The following TCP1 variants were observed in gnomAD, a reference collection of about 807,000 sequenced individuals.
TCP1 encodes t-complex 1, also known as T-complex protein 1 subunit alpha.
In TCP1, 6 loss-of-function variants were observed where a neutral mutation model predicts 54.7. The observed-to-expected ratio is 0.11, with a 90% CI of 0.06 to 0.22. TCP1 has a LOEUF of 0.22. Among genes scored for constraint, TCP1 ranks in the 10% least tolerant of loss-of-function variants. TCP1 has a pLI of 1.00. For synonymous variants in TCP1, 225 were observed against 229.7 expected, an observed-to-expected ratio of 0.98 and a Z score of 0.19; for missense variants, 511 against 678.2, an observed-to-expected ratio of 0.75 and a Z score of 2.74.
At chr6:159,781,608 T>A (rs1352432327) in intron 7 of TCP1, among the ~76,000 whole-genome samples, 1 of 152,012 alleles carries the variant, frequency 6.6e-6, no homozygotes, top group African/African-American at 2.4e-5. Context: ...CCGCCTCTAC[T>A]AAAAATACAA....
At chr6:159,781,351 G>A (rs936441411) in intron 7 of TCP1, among the ~76,000 whole-genome samples, 8 of 152,168 alleles carry the variant, frequency 5.3e-5, no homozygotes, top group African/African-American at 1.9e-4. Context: ...GGGAACACAG[G>A]TCCTGCCTTC....
chr6:159,785,563 G>A (rs771524983), intron 4 of TCP1, 67 bp from the exon 5 acceptor site: 2 of 1,238,510 alleles, frequency 1.6e-6, no homozygotes, highest in Non-Finnish European at 2.4e-6. Flanking sequence ...CATTCATCAT[G>A]CTTAACACAG....
At chr6:159,788,682 T>G (rs1780760698) in intron 1 of TCP1, 1 of 153,960 alleles carries the variant, frequency 6.5e-6, no homozygotes, top group African/African-American at 2.4e-5. Flanking sequence ...TTTTGCTCAT[T>G]AAAACTCTCT....
intron 3 of TCP1, among the ~76,000 whole-genome samples, chr6:159,787,507 G>T (rs1323517111): frequency 6.6e-6 from 1 of 152,264 alleles, no homozygotes; most frequent in Admixed American, 6.5e-5. Context: ...TACTTAAACT[G>T]TACAAACTAG....
chr6:159,782,613 C>T (rs1408359152), intron 7 of TCP1, among the ~76,000 whole-genome samples: 1 of 152,066 alleles, frequency 6.6e-6, no homozygotes, highest in Admixed American at 6.6e-5. Flanking sequence ...GTGAAGGACT[C>T]CCCATCACTA....
intron 4 of TCP1, 28 bp from the exon 5 acceptor site, chr6:159,785,524 GC>G: frequency 6.5e-7 from 1 of 1,535,674 alleles, no homozygotes; most frequent in South Asian, 1.1e-5. Flanking sequence ...GGAGAAAAAC[GC>G]TTATAAAGTC....
intron 5 of TCP1, chr6:159,785,139 ATTT>A: frequency 1.7e-6 from 1 of 602,202 alleles, no homozygotes; most frequent in Non-Finnish European, 2.9e-6. Context: ...GTTATTCAAA[ATTT>A]TATTGCACAA....
At chr6:159,780,145 A>C in intron 9 of TCP1, 58 bp from the exon 10 acceptor site, 1 of 1,565,702 alleles carries the variant, frequency 6.4e-7, no homozygotes, top group Non-Finnish European at 8.6e-7. Context: ...TTTTTTTGCC[A>C]AGACCATCAA....
chr6:159,780,311 A>C (rs375002693), intron 9 of TCP1, 132 bp downstream of exon 9: 1 of 1,405,672 alleles, frequency 7.1e-7, no homozygotes, highest in East Asian at 2.3e-5. Context: ...ACAGTGGCCC[A>C]ATGTTATTTT....
intron 8 of TCP1, 34 bp downstream of exon 8, chr6:159,780,901 A>G (rs1170179560): frequency 3.9e-6 from 6 of 1,556,198 alleles, no homozygotes; most frequent in Non-Finnish European, 4.3e-6. Flanking sequence ...GGGATAATAA[A>G]AGTATTTTAT....
chr6:159,779,525 G>C, intron 11 of TCP1, 102 bp downstream of exon 11: 2 of 1,444,050 alleles, frequency 1.4e-6, no homozygotes, highest in East Asian at 2.3e-5. Context: ...TTAAGTATTT[G>C]ACAAGTCTGT....
chr6:159,781,854 C>T (rs1780585057), intron 7 of TCP1, among the ~76,000 whole-genome samples: 1 of 152,150 alleles, frequency 6.6e-6, no homozygotes, highest in Non-Finnish European at 1.5e-5. Context: ...AAAAACCTTG[C>T]AGGTTACACC....
Position 159,778,972 on chromosome 6 carries a change from T to G in TCP1, c.*73A>C, listed in dbSNP as rs1181094729. The G allele has an allele frequency of 3.1e-5, 49 of 1,563,676 alleles. No individual in the cohort carries two copies. The South Asian group carries it at 5.8e-4, about 19-fold the overall frequency. ...CCAAGTTTACAGCTTGTACTTTACT[T>G]TAATGTGTAATACTCAACTCAAGGT... On this transcript the variant is annotated 3_prime_UTR_variant, in exon 12 of 12. Transcript: ENST00000321394.
At position 159,784,899 on chromosome 6, in the gene TCP1, C is replaced by G. The variant is rs369297370; in HGVS notation, c.489-52G>C. 28 of 1,576,714 alleles carry G rather than the reference C, an allele frequency of 1.8e-5. No individual in the cohort carries two copies. In the African/African-American group the frequency reaches 3.1e-4, roughly 18 times the overall value. The stretch of plus-strand genomic sequence containing the variant: ...AGGTTTGGAATGGACAAAGGGTACA[C>G]ACGTGAAAAATCAAGGGTAATTTCA... On this transcript the variant is annotated intron_variant, in intron 5 of 11. Coordinates refer to ENST00000321394, the MANE Select transcript of TCP1 (RefSeq NM_030752.3).
chr6:159,780,191 CTACA>C, intron 9 of TCP1, 104 bp from the exon 10 acceptor site: 3 of 1,422,070 alleles, frequency 2.1e-6, no homozygotes, highest in Non-Finnish European at 2.9e-6. Flanking sequence ...TAAAATAAGT[CTACA>C]TAAAGTTCCC....
At position 159,778,858 on chromosome 6, in the gene TCP1, TC is replaced by T; in HGVS notation, c.*186del. On this transcript the variant is annotated 3_prime_UTR_variant, in exon 12 of 12. Coordinates refer to ENST00000321394, the MANE Select transcript of TCP1 (RefSeq NM_030752.3). ...GCTTAAACTTTGAACAACCTCAATT[TC>T]TTTTTAAACTAATAAAGTACTAGGT... 1 of 1,613,692 alleles carries T rather than the reference TC, an allele frequency of 6.2e-7. No homozygotes were observed. The highest frequency in any genetic ancestry group is 1.1e-5 in the South Asian group (1 of 91,052).
intron 3 of TCP1, among the ~76,000 whole-genome samples, chr6:159,786,984 G>A (rs535001931): frequency 4.6e-5 from 7 of 150,784 alleles, no homozygotes; most frequent in Admixed American, 3.3e-4. Flanking sequence ...CAGCTCATGC[G>A]TGTAATCCCA....
chr6:159,779,819 C>G (rs1198956181), intron 10 of TCP1, 29 bp from the exon 11 acceptor site: 2 of 1,584,536 alleles, frequency 1.3e-6, no homozygotes, highest in African/African-American at 2.8e-5. Context: ...TAGGTGACTT[C>G]ACAAAAGGGA....
Position 159,778,754 on chromosome 6 carries a change from G to C in TCP1, c.*291C>G. 6.2e-7 allele frequency: 1 copy of C among 1,614,224 alleles called. No homozygotes were observed. Among genetic ancestry groups the C allele is most frequent in the Non-Finnish European group, 8.5e-7 (1 of 1,180,036 alleles). On this transcript the variant is annotated 3_prime_UTR_variant, in exon 12 of 12. Coordinates refer to ENST00000321394, the MANE Select transcript of TCP1 (RefSeq NM_030752.3). Reference sequence around the variant, plus strand: ...CCCTGTTACACACACTGGAGAGAATGGGCAGAAGTCGTGGTGTTGCAGCCC... The same window carrying C: ...CCCTGTTACACACACTGGAGAGAATCGGCAGAAGTCGTGGTGTTGCAGCCC...
Sources: allele counts gnomAD v4.1 joint callset (sites outside exome capture counted in the v4.1 genomes callset), GRCh38; gene constraint gnomAD v4.1.1; transcripts MANE v1.5; gene names NCBI Gene and HGNC (gene_info 2026-07-23, HGNC 2026-07-21).